Variants in CUX1 observed in about 807,000 individuals in gnomAD.
The protein encoded by CUX1 is protein CASP.
CUX1 carries 31 observed loss-of-function variants against 158.8 expected under a neutral mutation model. That is an observed-to-expected ratio of 0.20 (90% CI 0.15 to 0.26). The LOEUF (loss-of-function observed/expected upper bound fraction) is 0.26, where lower values mean the gene tolerates loss of function less well. CUX1 is among the 10% of genes least tolerant of loss of function. The pLI is 1.00. For missense variants in CUX1, 1,589 were observed against 2,014.6 expected (o/e 0.79, Z 4.04); for synonymous variants, 879 against 862.1 (o/e 1.02, Z -0.34).
intron 2 of CUX1, among the ~76,000 whole-genome samples, chr7:101,991,989 C>G (rs528172617): frequency 6.6e-6 from 1 of 152,236 alleles, no homozygotes; most frequent in East Asian, 1.9e-4. Flanking sequence ...CCCAGGAGTC[C>G]GAGACCAACT....
chr7:102,132,308 TGCGCGCGC>T (rs369163250), intron 8 of CUX1, among the ~76,000 whole-genome samples: 15 of 57,092 alleles, frequency 2.6e-4, no homozygotes, highest in Non-Finnish European at 3.1e-4. Context: ...TGTGTGTGTG[TGCGCGCGC>T]GCGCGCGCAC....
chr7:101,882,762 C>T (rs1253708202), intron 1 of CUX1, among the ~76,000 whole-genome samples: 1 of 152,176 alleles, frequency 6.6e-6, no homozygotes, highest in Non-Finnish European at 1.5e-5. Flanking sequence ...TTAAGCCCAG[C>T]CCCTCTCTGT....
chr7:101,957,811 A>G (rs984719379), intron 2 of CUX1, among the ~76,000 whole-genome samples: 16 of 152,216 alleles, frequency 1.1e-4, no homozygotes, highest in Non-Finnish European at 2.2e-4. Context: ...TCTGCAAAAT[A>G]GAGTCTTTTT....
rs1801663306 is a variant in CUX1 at position 102,252,905 on chromosome 7, A to G, written c.*3863A>G. 1.9e-5 allele frequency: 19 copies of G among 985,472 alleles called. No homozygotes were observed. In the South Asian group the frequency reaches 7.5e-4, roughly 39 times the overall value. The allele number at this position is 985,472 out of a possible 1,614,324, so 61.0% of individuals were successfully genotyped here. ...GGCATCTTGGCATGAGGCAGCTTCT[A>G]AGCGTCTCCTGGGACAGGATTGGGG... On this transcript the variant is annotated 3_prime_UTR_variant, in exon 24 of 24. Transcript: ENST00000292535.
At chr7:102,208,193 AAAAC>A (rs1450389753) in intron 20 of CUX1, among the ~76,000 whole-genome samples, 2 of 151,936 alleles carry the variant, frequency 1.3e-5, no homozygotes, top group Non-Finnish European at 2.9e-5. Flanking sequence ...GTCTCAAAAA[AAAAC>A]AAAAGAGAAA....
At chr7:102,182,941 T>C (rs1554514435) in intron 11 of CUX1, among the ~76,000 whole-genome samples, 1 of 152,224 alleles carries the variant, frequency 6.6e-6, no homozygotes. Flanking sequence ...TAAAGATCAG[T>C]GCTTCCCACT....
At chr7:102,059,051 G>C (rs1198314288) in intron 3 of CUX1, among the ~76,000 whole-genome samples, 1 of 152,234 alleles carries the variant, frequency 6.6e-6, no homozygotes, top group Non-Finnish European at 1.5e-5. Context: ...GTGATCTGCT[G>C]TCCTGGAGCA....
In CUX1 at chr7:102,178,478, A is replaced by T. The variant is rs200126349; in HGVS notation, c.838A>T (p.Ile280Leu). Residue 280 changes from isoleucine to leucine, a missense_variant, in exon 11 of 24, where the codon ATA (isoleucine) becomes TTA (leucine). Physicochemically the swap from Ile to Leu is conservative, Grantham distance 5 (BLOSUM62 2). Coordinates refer to ENST00000292535, the MANE Select transcript of CUX1 (RefSeq NM_181552.4). ...CTTTTCTCCTCCCCAGGAGCAGGCC[A>T]TAGAGGTGCTGACCCGCTCCAGCCT... ...IQKAPDVEQAIEVLTRSSLEV... is the reference protein window; with the variant it reads ...IQKAPDVEQALEVLTRSSLEV... The T allele has an allele frequency of 6.2e-7, 1 of 1,604,406 alleles. No individual in the cohort carries two copies. Among genetic ancestry groups the T allele is most frequent in the Non-Finnish European group, 8.5e-7 (1 of 1,172,326 alleles).
intron 1 of CUX1, among the ~76,000 whole-genome samples, chr7:101,902,435 T>C (rs1802255114): frequency 6.6e-6 from 1 of 152,230 alleles, no homozygotes; most frequent in African/African-American, 2.4e-5. Context: ...TAGCTACATG[T>C]AACTGTTGGG....
chr7:102,256,562 C>A lies in CUX1; in HGVS notation c.*7520C>A. 1 of 985,372 alleles carries A rather than the reference C, an allele frequency of 1.0e-6. No individual in the cohort carries two copies. 61.0% of individuals were successfully genotyped at this position (985,372 alleles called of 1,614,324 possible). A position where few individuals can be genotyped will look rare whatever the true frequency, so the allele number is the denominator to read the frequency against. On this transcript the variant is annotated 3_prime_UTR_variant, in exon 24 of 24. Transcript: ENST00000292535. ...AACACCTGTCTCCAGAGTAGCCACT[C>A]AAAAACTGGTGGTCTCTATGTGTCT...
chr7:102,006,911 C>T lies in CUX1; in HGVS notation c.142-21187C>T, dbSNP rs547221352. Among the ~76,000 whole-genome samples the T allele has an allele frequency of 3.9e-5, 6 of 152,342 alleles. 1 individual carries two copies. In the East Asian group the frequency reaches 5.8e-4, roughly 15 times the overall value. On this transcript the variant is annotated intron_variant, in intron 2 of 23. Transcript: ENST00000292535. ...CACCACGGTGCAGGCCGGGATGCAG[C>T]GGAAAGCCCTTGCTTCTTAGATTTC...
At chr7:101,995,081 C>A (rs202156) in intron 2 of CUX1, among the ~76,000 whole-genome samples, 108,448 of 151,918 alleles carry the variant, frequency 0.71, 39,110 homozygotes, top group East Asian at 0.99. Flanking sequence ...GGCAACAGAA[C>A]AAGACCCTGT....
intron 5 of CUX1, among the ~76,000 whole-genome samples, chr7:102,103,329 T>C (rs545628344): frequency 1.3e-5 from 2 of 152,298 alleles, no homozygotes; most frequent in South Asian, 4.1e-4. Context: ...TTCTTGTCAC[T>C]TGTGAACCAG....
At chr7:102,188,098 C>T (rs1554515807) in intron 11 of CUX1, among the ~76,000 whole-genome samples, 1 of 151,962 alleles carries the variant, frequency 6.6e-6, no homozygotes, top group African/African-American at 2.4e-5. Context: ...ACTCAGGAGG[C>T]TGAGGCAGGA....
chr7:101,831,567 C>T (rs1197911017), intron 1 of CUX1, among the ~76,000 whole-genome samples: 1 of 152,008 alleles, frequency 6.6e-6, no homozygotes, highest in Non-Finnish European at 1.5e-5. Flanking sequence ...GCTGGGATTA[C>T]AGCCGTGAGC....
Position 102,257,591 on chromosome 7 carries a change from T to C in CUX1, c.*8549T>C, listed in dbSNP as rs1472921879. The C allele has an allele frequency of 1.0e-6, 1 of 985,378 alleles. No individual in the cohort carries two copies. Among genetic ancestry groups the C allele is most frequent in the Non-Finnish European group, 1.2e-6 (1 of 829,922 alleles). 61.0% of individuals were successfully genotyped at this position (985,378 alleles called of 1,614,324 possible). A position where few individuals can be genotyped will look rare whatever the true frequency, so the allele number is the denominator to read the frequency against. Reference sequence around the variant, plus strand: ...GTTCTTTGCGTTTGTGCAATAACTCTTTGCTGCTTGCCTTGAGAGCGGGTA... The same window carrying C: ...GTTCTTTGCGTTTGTGCAATAACTCCTTGCTGCTTGCCTTGAGAGCGGGTA... On this transcript the variant is annotated 3_prime_UTR_variant, in exon 24 of 24. Coordinates refer to ENST00000292535, the MANE Select transcript of CUX1 (RefSeq NM_181552.4).
chr7:102,135,835 T>C (rs1323560019), intron 8 of CUX1, among the ~76,000 whole-genome samples: 8 of 151,824 alleles, frequency 5.3e-5, no homozygotes, highest in Non-Finnish European at 1.5e-5. Context: ...ATTGTCCTGG[T>C]GTGGTGGCGC....
intron 1 of CUX1, among the ~76,000 whole-genome samples, chr7:101,828,594 G>A (rs555378342): frequency 3.3e-5 from 5 of 152,308 alleles, no homozygotes; most frequent in African/African-American, 7.2e-5. Context: ...TGTCAGCATC[G>A]GAGGAATGTC....
intron 6 of CUX1, among the ~76,000 whole-genome samples, chr7:102,107,972 C>T (rs1478351393): frequency 2.6e-5 from 4 of 152,186 alleles, no homozygotes; most frequent in South Asian, 4.1e-4. Context: ...AGTCAAGGCT[C>T]GGACAGATGG....
Sources: gnomAD v4.1 joint callset for allele counts (sites outside exome capture counted in the v4.1 genomes callset) on GRCh38, gnomAD v4.1.1 for gene constraint, MANE v1.5 for transcripts, NCBI Gene and HGNC (gene_info 2026-07-23, HGNC 2026-07-21) for gene names.